SLC2A9: variants seen among roughly 807,000 people sequenced by gnomAD.
SLC2A9 encodes the protein solute carrier family 2, facilitated glucose transporter member 9.
Under a neutral mutation model 50.6 loss-of-function variants are expected in SLC2A9, and 39 were observed. That is an observed-to-expected ratio of 0.77 (90% CI 0.60 to 1.01). SLC2A9 has a LOEUF of 1.01. SLC2A9 is among the 50% of genes least tolerant of loss of function. The pLI is 0.00. For missense variants in SLC2A9, 686 were observed against 677.6 expected, an observed-to-expected ratio of 1.01 and a Z score of -0.14; for synonymous variants, 324 against 276.9, an observed-to-expected ratio of 1.17 and a Z score of -1.69.
intron 5 of SLC2A9, among the ~76,000 whole-genome samples, chr4:9,944,470 C>T (rs867822308): frequency 1.3e-5 from 2 of 152,198 alleles, no homozygotes; most frequent in Admixed American, 6.5e-5. Context: ...AATACAAGGA[C>T]GTGTGGACTC....
At chr4:10,015,411 C>T (rs1167939861) in intron 2 of SLC2A9, among the ~76,000 whole-genome samples, 2 of 152,220 alleles carry the variant, frequency 1.3e-5, no homozygotes, top group Non-Finnish European at 2.9e-5. Flanking sequence ...GGGCAAGTTG[C>T]TTAAACTGAG....
chr4:9,966,950 A>G (rs923969263), intron 5 of SLC2A9, among the ~76,000 whole-genome samples: 9 of 152,166 alleles, frequency 5.9e-5, no homozygotes, highest in Non-Finnish European at 1.0e-4. Context: ...TCTTGTGCCC[A>G]TGCTGCATTG....
At chr4:9,818,622 G>A (rs2109029130) in intron 3 of SLC2A9, among the ~76,000 whole-genome samples, 1 of 152,334 alleles carries the variant, frequency 6.6e-6, no homozygotes, top group Admixed American at 6.5e-5. Context: ...CGCTAACACT[G>A]GGGCTGCTGG....
intron 2 of SLC2A9, among the ~76,000 whole-genome samples, chr4:10,013,758 T>C (rs1399541622): frequency 2.0e-5 from 3 of 152,164 alleles, no homozygotes; most frequent in African/African-American, 7.2e-5. Flanking sequence ...GTTCTAACAG[T>C]GCAAGCTGCC....
intron 2 of SLC2A9, among the ~76,000 whole-genome samples, chr4:10,018,553 T>TAGATAGAC (rs1553915052): frequency 3.0e-4 from 43 of 143,074 alleles, no homozygotes; most frequent in African/African-American, 1.0e-3. Flanking sequence ...AGATGATAGA[T>TAGATAGAC]AGATAGATAG....
At chr4:9,782,465 T>G in intron 3 of SLC2A9, 1 of 1,613,958 alleles carries the variant, frequency 6.2e-7, no homozygotes, top group Non-Finnish European at 8.5e-7. Context: ...CTCCAGGCCC[T>G]TCCGCTACAA....
intron 10 of SLC2A9, among the ~76,000 whole-genome samples, chr4:9,878,648 G>A (rs1465405513): frequency 6.6e-6 from 1 of 151,914 alleles, no homozygotes; most frequent in African/African-American, 2.4e-5. Context: ...TGTAAGTAGG[G>A]CACTTTCCTG....
At chr4:9,841,362 C>G (rs1272783450) in intron 10 of SLC2A9, among the ~76,000 whole-genome samples, 1 of 152,054 alleles carries the variant, frequency 6.6e-6, no homozygotes, top group Non-Finnish European at 1.5e-5. Flanking sequence ...GGAAATCTCT[C>G]TCTTCCTTCT....
chr4:9,819,642 A>G (rs542754370), intron 3 of SLC2A9, among the ~76,000 whole-genome samples: 3 of 152,352 alleles, frequency 2.0e-5, no homozygotes, highest in Non-Finnish European at 2.9e-5. Flanking sequence ...TTCTTTTAAC[A>G]GTATCTTTTG....
intron 10 of SLC2A9, among the ~76,000 whole-genome samples, chr4:9,865,490 G>C (rs979927355): frequency 6.6e-6 from 1 of 152,180 alleles, no homozygotes; most frequent in Non-Finnish European, 1.5e-5. Context: ...AATTTATATT[G>C]TTACAGAGTA....
At chr4:10,019,107 C>T (rs1763162902) in intron 1 of SLC2A9, 34 bp from the exon 2 acceptor site, 44 of 1,538,146 alleles carry the variant, frequency 2.9e-5, no homozygotes, top group Non-Finnish European at 3.8e-5. Context: ...AGAGCCGGCA[C>T]CGGGCGCGCA....
At chr4:9,893,400 G>A (rs542318474) in intron 8 of SLC2A9, among the ~76,000 whole-genome samples, 5 of 152,168 alleles carry the variant, frequency 3.3e-5, no homozygotes, top group Admixed American at 3.3e-4. Flanking sequence ...TCATTTGCAG[G>A]GGGAGGGCGG....
At chr4:9,909,927 GC>G (rs1741389991) in intron 7 of SLC2A9, among the ~76,000 whole-genome samples, 1 of 152,220 alleles carries the variant, frequency 6.6e-6, no homozygotes, top group Admixed American at 6.5e-5. Context: ...CTCGCATTTT[GC>G]TCTTTGTTTC....
chr4:9,877,685 GC>G (rs1268116768), intron 10 of SLC2A9, among the ~76,000 whole-genome samples: 1 of 152,164 alleles, frequency 6.6e-6, no homozygotes, highest in Non-Finnish European at 1.5e-5. Context: ...GCAGGGCAGG[GC>G]CAGGATGTTT....
At chr4:9,955,981 G>A (rs956561317) in intron 5 of SLC2A9, among the ~76,000 whole-genome samples, 3 of 142,450 alleles carry the variant, frequency 2.1e-5, no homozygotes, top group African/African-American at 7.8e-5. Flanking sequence ...ATGTTCAAGC[G>A]ATTCTCCTGC....
intron 3 of SLC2A9, among the ~76,000 whole-genome samples, chr4:9,986,987 T>TAA: frequency 6.6e-6 from 1 of 151,248 alleles, no homozygotes; most frequent in East Asian, 1.9e-4. Flanking sequence ...TGCTATAGGA[T>TAA]AGACCCTGCT....
chr4:9,967,493 G>T (rs6449179), intron 5 of SLC2A9, among the ~76,000 whole-genome samples: 1 of 151,618 alleles, frequency 6.6e-6, no homozygotes, highest in Non-Finnish European at 1.5e-5. Context: ...TCTGATTTCT[G>T]CATATAATTC....
chr4:9,939,592 TG>T (rs1168281964), intron 6 of SLC2A9, among the ~76,000 whole-genome samples: 2 of 150,116 alleles, frequency 1.3e-5, no homozygotes, highest in East Asian at 5.0e-4. Flanking sequence ...ATCCCATCCT[TG>T]GTTTTTTTTT....
chr4:10,022,920 G>C (rs1379828696), upstream of SLC2A9, among the ~76,000 whole-genome samples: 1 of 152,182 alleles, frequency 6.6e-6, no homozygotes, highest in Non-Finnish European at 1.5e-5. Context: ...CAGTGCAATC[G>C]TCCTTCTGTG....
Sources: gnomAD v4.1 joint callset for allele counts (sites outside exome capture counted in the v4.1 genomes callset) on GRCh38, gnomAD v4.1.1 for gene constraint, MANE v1.5 for transcripts, NCBI Gene and HGNC (gene_info 2026-07-23, HGNC 2026-07-21) for gene names.